FEZ1: variants seen among roughly 807,000 people sequenced by gnomAD.
FEZ1 encodes the protein fasciculation and elongation protein zeta 1.
Under a neutral mutation model 49.3 loss-of-function variants are expected in FEZ1, and 20 were observed. That is an observed-to-expected ratio of 0.41 (90% CI 0.29 to 0.59). The LOEUF (loss-of-function observed/expected upper bound fraction) is 0.59. Among genes scored for constraint, FEZ1 ranks in the 20% least tolerant of loss-of-function variants. The pLI, the probability that FEZ1 is intolerant of heterozygous loss-of-function variation, is 0.36. For synonymous variants in FEZ1, 170 were observed against 180.9 expected, an observed-to-expected ratio of 0.94 and a Z score of 0.48; for missense variants, 413 against 476.0, an observed-to-expected ratio of 0.87 and a Z score of 1.23.
chr11:125,493,172 C>CAAAAAA lies in FEZ1; in HGVS notation c.-46+2943_-46+2948dup, dbSNP rs576444823. ...CAAAACCCTGTCTCTACTAAAAATA[C>CAAAAAA]AAAAAAAAAAAATTAGCTGAGCATG... On this transcript the variant is annotated intron_variant, in intron 1 of 9. Transcript: ENST00000278919. 6.2e-3 allele frequency among the ~76,000 whole-genome samples: 841 copies of CAAAAAA among 134,854 alleles called. 14 individuals are homozygous for CAAAAAA. The highest frequency in any genetic ancestry group is 0.021 in the African/African-American group (767 of 36,178). 88.5% of individuals were successfully genotyped at this position (134,854 alleles called of 152,430 possible). A position where few individuals can be genotyped will look rare whatever the true frequency, so the allele number is the denominator to read the frequency against.
intron 5 of FEZ1, 145 bp downstream of exon 5, chr11:125,460,353 G>C: frequency 1.7e-6 from 1 of 595,002 alleles, no homozygotes; most frequent in East Asian, 2.9e-5. Flanking sequence ...TGCCGAGTAA[G>C]AAAGGTATTG....
chr11:125,449,441 A>AGAAG (rs1555177852), intron 8 of FEZ1, among the ~76,000 whole-genome samples: 1 of 128,150 alleles, frequency 7.8e-6, no homozygotes, highest in African/African-American at 2.8e-5. Flanking sequence ...AAAAAAAAAA[A>AGAAG]AAGAAGAAGA....
In FEZ1 at chr11:125,445,173, G is replaced by A. The variant is rs1000968863; in HGVS notation, c.*922C>T. Among the ~76,000 whole-genome samples, 1 of 152,200 alleles carries A rather than the reference G, an allele frequency of 6.6e-6. No individual in the cohort carries two copies. Among genetic ancestry groups the A allele is most frequent in the Non-Finnish European group, 1.5e-5 (1 of 68,038 alleles). On this transcript the variant is annotated 3_prime_UTR_variant, in exon 10 of 10. Transcript: ENST00000278919. The surrounding 1 kb of genome is among the most constrained non-coding windows in gnomAD (Gnocchi z 4.4). ...AGAGCTGCTGTTCATGGAGGGCCGCGGGAAGGGCCAGGACAGCACTGCAAA... is the reference window on the plus strand; with the variant it reads ...AGAGCTGCTGTTCATGGAGGGCCGCAGGAAGGGCCAGGACAGCACTGCAAA...
At chr11:125,494,873 C>G (rs1393359840) in intron 1 of FEZ1, among the ~76,000 whole-genome samples, 1 of 152,092 alleles carries the variant, frequency 6.6e-6, no homozygotes, top group Admixed American at 6.6e-5. Context: ...CACGCTAACC[C>G]CGCTGGGCCT....
intron 3 of FEZ1, among the ~76,000 whole-genome samples, chr11:125,464,783 T>C (rs972160851): frequency 6.6e-6 from 1 of 152,166 alleles, no homozygotes; most frequent in Admixed American, 6.5e-5. Context: ...AACCTAGATA[T>C]GGGGTAGGAC....
chr11:125,451,936 G>T (rs142610742), intron 8 of FEZ1, among the ~76,000 whole-genome samples: 1 of 152,174 alleles, frequency 6.6e-6, no homozygotes, highest in Non-Finnish European at 1.5e-5. Context: ...GAGACCAGGC[G>T]CCCTGCTTCA....
At chr11:125,471,443 C>T (rs1957182287) in intron 3 of FEZ1, among the ~76,000 whole-genome samples, 1 of 151,800 alleles carries the variant, frequency 6.6e-6, no homozygotes. Flanking sequence ...CACACACACA[C>T]ACACACACAC....
chr11:125,495,929 C>A lies in FEZ1; in HGVS notation c.-46+192G>T. 3.9e-6 allele frequency: 1 copy of A among 256,144 alleles called. No individual in the cohort carries two copies. Among genetic ancestry groups the A allele is most frequent in the Non-Finnish European group, 7.6e-6 (1 of 131,208 alleles). 15.9% of individuals were successfully genotyped at this position (256,144 alleles called of 1,614,324 possible). ...TGGCGCGGCGTCCCAGCTGCGCTCCCTGAAGGGCTGGGCAGGAAGGCGACG... is the reference window on the plus strand; with the variant it reads ...TGGCGCGGCGTCCCAGCTGCGCTCCATGAAGGGCTGGGCAGGAAGGCGACG... On this transcript the variant is annotated intron_variant, in intron 1 of 9. Coordinates refer to ENST00000278919, the MANE Select transcript of FEZ1 (RefSeq NM_005103.5). The surrounding 1 kb of genome is among the most constrained non-coding windows in gnomAD (Gnocchi z 4.2).
At position 125,495,098 on chromosome 11, in the gene FEZ1, A is replaced by G. The variant is rs1957444515; in HGVS notation, c.-46+1023T>C. The G allele has an allele frequency of 2.9e-6, 1 of 342,816 alleles. No homozygotes were observed. The highest frequency in any genetic ancestry group is 5.9e-6 in the Non-Finnish European group (1 of 169,216). The allele number at this position is 342,816 out of a possible 1,614,324, so 21.2% of individuals were successfully genotyped here. A position where few individuals can be genotyped will look rare whatever the true frequency, so the allele number is the denominator to read the frequency against. ...AGTATTTCGTTGCATATGGATCAGC[A>G]ACCCCTTCGCGGTTCTGCTTGCTCC... is the stretch of plus-strand genomic sequence containing the variant. On this transcript the variant is annotated intron_variant, in intron 1 of 9. Coordinates refer to ENST00000278919, the MANE Select transcript of FEZ1 (RefSeq NM_005103.5). This position sits in a 1 kb window ranked among gnomAD's most constrained non-coding sequence, Gnocchi z 4.2.
intron 3 of FEZ1, among the ~76,000 whole-genome samples, chr11:125,467,643 C>G (rs1461132125): frequency 1.3e-5 from 2 of 152,044 alleles, no homozygotes; most frequent in Non-Finnish European, 2.9e-5. Flanking sequence ...TTGAGCCCAG[C>G]CTGGGCAACA....
intron 5 of FEZ1, among the ~76,000 whole-genome samples, chr11:125,457,420 A>AT (rs1957021988): frequency 1.5e-4 from 8 of 52,530 alleles, no homozygotes; most frequent in Middle Eastern, 6.4e-3. Context: ...AAAAAAAAAA[A>AT]AAAAAAAAAA....
At chr11:125,494,848 C>A (rs1245742108) in intron 1 of FEZ1, among the ~76,000 whole-genome samples, 2 of 152,088 alleles carry the variant, frequency 1.3e-5, no homozygotes, top group African/African-American at 4.8e-5. Context: ...TGGAGCGGAG[C>A]GGTGGAGATT....
intron 5 of FEZ1, among the ~76,000 whole-genome samples, chr11:125,458,510 G>A (rs984835050): frequency 1.4e-4 from 22 of 152,098 alleles, no homozygotes; most frequent in African/African-American, 4.8e-4. Context: ...CTTCTGCATG[G>A]ACTAAGCACA....
Position 125,454,097 on chromosome 11 carries a change from G to A in FEZ1, c.1020+33C>T, listed in dbSNP as rs370041974. 31 of 1,540,586 alleles carry A rather than the reference G, an allele frequency of 2.0e-5. No individual in the cohort carries two copies. The African/African-American group carries it at 4.0e-4, about 20-fold the overall frequency. The stretch of plus-strand genomic sequence containing the variant: ...GGGAGGCCAAGCTGCAGGAGTCTAG[G>A]AAGAGAGCTTGGAGCAGGGAGACTA... On this transcript the variant is annotated intron_variant, in intron 7 of 9. Coordinates refer to ENST00000278919, the MANE Select transcript of FEZ1 (RefSeq NM_005103.5).
At chr11:125,467,631 A>C (rs1957143527) in intron 3 of FEZ1, among the ~76,000 whole-genome samples, 1 of 152,070 alleles carries the variant, frequency 6.6e-6, no homozygotes, top group African/African-American at 2.4e-5. Flanking sequence ...TGGGAGGGTC[A>C]CTTGAGCCCA....
At chr11:125,482,857 GA>G (rs1455656863) in intron 2 of FEZ1, among the ~76,000 whole-genome samples, 2 of 151,414 alleles carry the variant, frequency 1.3e-5, no homozygotes, top group Non-Finnish European at 2.9e-5. Context: ...CCAGCTACTT[GA>G]GAGGCTTGAA....
chr11:125,495,557 G>A lies in FEZ1; in HGVS notation c.-46+564C>T. ...CGCTGCCAGCGGTTCTGACACTGCA[G>A]GAATGCGCGGTCTGGGGAAGGCTCC... On this transcript the variant is annotated intron_variant, in intron 1 of 9. Coordinates refer to ENST00000278919, the MANE Select transcript of FEZ1 (RefSeq NM_005103.5). The surrounding 1 kb of genome is among the most constrained non-coding windows in gnomAD (Gnocchi z 4.2). 1 of 471,090 alleles carries A rather than the reference G, an allele frequency of 2.1e-6. No individual in the cohort carries two copies. Among genetic ancestry groups the A allele is most frequent in the South Asian group, 1.5e-5 (1 of 64,566 alleles). The allele number at this position is 471,090 out of a possible 1,614,324, so 29.2% of individuals were successfully genotyped here.
At chr11:125,472,704 A>G (rs1351944532) in intron 3 of FEZ1, among the ~76,000 whole-genome samples, 2 of 152,170 alleles carry the variant, frequency 1.3e-5, no homozygotes, top group African/African-American at 4.8e-5. Flanking sequence ...GATAATTTCC[A>G]ACTTATTTTA....
At chr11:125,493,489 G>A (rs10893387) in intron 1 of FEZ1, among the ~76,000 whole-genome samples, 5,532 of 48,428 alleles carry the variant, frequency 0.11, 711 homozygotes, top group Non-Finnish European at 0.12. Context: ...AAGGAAAGAA[G>A]GAAAGAAAGA....
Sources: allele counts gnomAD v4.1 joint callset (sites outside exome capture counted in the v4.1 genomes callset), GRCh38; gene constraint gnomAD v4.1.1; non-coding constraint Gnocchi (gnomAD v3.1); transcripts MANE v1.5; gene names NCBI Gene and HGNC (gene_info 2026-07-23, HGNC 2026-07-21).